The following CDH12 variants were observed in gnomAD, a reference collection of about 807,000 sequenced individuals.
The protein encoded by CDH12 is cadherin-12.
A neutral mutation model predicts 74.1 loss-of-function variants in CDH12; 41 were observed. The observed-to-expected ratio is 0.55, with a 90% confidence interval of 0.43 to 0.72. The LOEUF (loss-of-function observed/expected upper bound fraction) is 0.72. CDH12 is among the 30% of genes least tolerant of loss of function. The pLI, the probability that CDH12 is intolerant of heterozygous loss-of-function variation, is 0.00. For synonymous variants in CDH12, 399 were observed against 355.0 expected (o/e 1.12, Z -1.39); for missense variants, 945 against 977.2 (o/e 0.97, Z 0.44).
chr5:21,905,717 C>T (rs1753610319), intron 6 of CDH12, among the ~76,000 whole-genome samples: 1 of 148,526 alleles, frequency 6.7e-6, no homozygotes, highest in Non-Finnish European at 1.5e-5. Flanking sequence ...GAGTCAATTA[C>T]CATCTCGGCA....
At chr5:22,492,129 C>T (rs368466985) in intron 2 of CDH12, among the ~76,000 whole-genome samples, 44 of 152,114 alleles carry the variant, frequency 2.9e-4, no homozygotes, top group African/African-American at 2.4e-4. Flanking sequence ...GAAGCCATGG[C>T]CAAGACACAG....
In CDH12 at chr5:22,842,396, G is replaced by A. The variant is rs77332015; in HGVS notation, c.-523+10662C>T. ...CAGTAGGTTGTAGTGTCTGAGAGGA[G>A]GGATTTACGATCCAATACATGGCTG... is the stretch of plus-strand genomic sequence containing the variant. On this transcript the variant is annotated intron_variant, in intron 1 of 14. Coordinates refer to ENST00000382254, the MANE Select transcript of CDH12 (RefSeq NM_004061.5). Among the ~76,000 whole-genome samples the A allele has an allele frequency of 6.5e-3, 988 of 152,206 alleles. 12 individuals are homozygous for A. Among genetic ancestry groups the A allele is most frequent in the African/African-American group, 0.022 (923 of 41,542 alleles).
intron 4 of CDH12, among the ~76,000 whole-genome samples, chr5:22,106,898 T>C (rs1201215312): frequency 6.6e-6 from 1 of 152,152 alleles, no homozygotes; most frequent in African/African-American, 2.4e-5. Context: ...TTAATAGAAA[T>C]ATAACTTTGA....
intron 4 of CDH12, among the ~76,000 whole-genome samples, chr5:22,202,324 AG>A (rs1684811427): frequency 6.6e-6 from 1 of 152,240 alleles, no homozygotes; most frequent in Admixed American, 6.5e-5. Context: ...AACCATCAGC[AG>A]GTAAGACACA....
At chr5:22,719,393 T>A (rs1743760220) in intron 1 of CDH12, among the ~76,000 whole-genome samples, 1 of 152,190 alleles carries the variant, frequency 6.6e-6, no homozygotes, top group African/African-American at 2.4e-5. Context: ...GGTAGAACCC[T>A]TCAACATTCT....
At chr5:22,800,527 G>A (rs1255885836) in intron 1 of CDH12, among the ~76,000 whole-genome samples, 1 of 152,048 alleles carries the variant, frequency 6.6e-6, no homozygotes, top group Non-Finnish European at 1.5e-5. Context: ...TGGTACATTT[G>A]TTACAATTGA....
intron 1 of CDH12, among the ~76,000 whole-genome samples, chr5:22,523,978 A>AT (rs1420188932): frequency 3.1e-5 from 4 of 127,372 alleles, no homozygotes; most frequent in Non-Finnish European, 6.7e-5. Context: ...ATTTATTATT[A>AT]TTATTTTTTT....
intron 4 of CDH12, among the ~76,000 whole-genome samples, chr5:22,094,855 T>C (rs1043186463): frequency 4.7e-4 from 72 of 152,156 alleles, no homozygotes; most frequent in African/African-American, 1.6e-3. Flanking sequence ...ACTGAGCACC[T>C]TGTGACCCCC....
intron 1 of CDH12, among the ~76,000 whole-genome samples, chr5:22,510,423 T>A (rs1736553905): frequency 6.6e-6 from 1 of 152,064 alleles, no homozygotes; most frequent in South Asian, 2.1e-4. Flanking sequence ...ATGATACATA[T>A]AAATATGTAC....
In CDH12 at chr5:22,702,270, G is replaced by A. The variant is rs1742752198; in HGVS notation, c.-523+150788C>T. Among the ~76,000 whole-genome samples the A allele has an allele frequency of 2.6e-5, 4 of 152,060 alleles. No individual in the cohort carries two copies. The South Asian group carries it at 8.3e-4, about 31-fold the overall frequency. On this transcript the variant is annotated intron_variant, in intron 1 of 14. Coordinates refer to ENST00000382254, the MANE Select transcript of CDH12 (RefSeq NM_004061.5). ...CAGCTCCATTCCTTAGTTAGGAGGA[G>A]GCCTAGACCCACTAACAATGGTAAG...
At position 22,153,405 on chromosome 5, in the gene CDH12, G is replaced by A. The variant is rs186781834; in HGVS notation, c.-187+59093C>T. On this transcript the variant is annotated intron_variant, in intron 4 of 14. Coordinates refer to ENST00000382254, the MANE Select transcript of CDH12 (RefSeq NM_004061.5). The stretch of plus-strand genomic sequence containing the variant: ...CACTGATTTCCCATGTATTATCTAG[G>A]GTCTTAACCACATTGCTTGTTTTTC... 6.1e-3 allele frequency among the ~76,000 whole-genome samples: 920 copies of A among 151,476 alleles called. 7 individuals carry two copies. Among genetic ancestry groups the A allele is most frequent in the Non-Finnish European group, 0.01 (701 of 67,862 alleles).
intron 2 of CDH12, among the ~76,000 whole-genome samples, chr5:22,471,384 C>A (rs1265654429): frequency 6.6e-6 from 1 of 152,174 alleles, no homozygotes; most frequent in African/African-American, 2.4e-5. Context: ...CTCTGTCCTA[C>A]TCAAACACTC....
At chr5:22,636,120 A>G (rs1738829024) in intron 1 of CDH12, among the ~76,000 whole-genome samples, 1 of 152,134 alleles carries the variant, frequency 6.6e-6, no homozygotes, top group Non-Finnish European at 1.5e-5. Flanking sequence ...AGGTAACCCC[A>G]ATCAAAACCA....
chr5:22,321,720 T>C (rs1473803355), intron 3 of CDH12, among the ~76,000 whole-genome samples: 1 of 152,186 alleles, frequency 6.6e-6, no homozygotes, highest in African/African-American at 2.4e-5. Flanking sequence ...TTTTTTAGAC[T>C]ATAGATGGAA....
chr5:21,904,768 C>G (rs1235755281), intron 6 of CDH12, among the ~76,000 whole-genome samples: 1 of 143,756 alleles, frequency 7.0e-6, no homozygotes, highest in Non-Finnish European at 1.5e-5. Flanking sequence ...CAAAGCATGA[C>G]AGTGTCTCTA....
intron 1 of CDH12, among the ~76,000 whole-genome samples, chr5:22,505,688 C>A (rs115878352): frequency 4.9e-4 from 75 of 152,120 alleles, no homozygotes; most frequent in African/African-American, 1.7e-3. Context: ...ATTTTCTATT[C>A]CAGGATATCA....
Position 22,503,592 on chromosome 5 carries a change from CA to C in CDH12, c.-428+1677del, listed in dbSNP as rs564354054. On this transcript the variant is annotated intron_variant, in intron 2 of 14. Transcript: ENST00000382254. The stretch of plus-strand genomic sequence containing the variant: ...CATTCTCCTCAAATGCATTCTGCAT[CA>C]ATATGAATTCCACTCTAATTAAAAA... Among the ~76,000 whole-genome samples, 4 of 152,192 alleles carry C rather than the reference CA, an allele frequency of 2.6e-5. No homozygotes were observed. In the South Asian group the frequency reaches 8.3e-4, roughly 32 times the overall value.
chr5:22,673,357 G>T (rs566632273), intron 1 of CDH12, among the ~76,000 whole-genome samples: 26 of 152,176 alleles, frequency 1.7e-4, no homozygotes, highest in Admixed American at 1.5e-3. Flanking sequence ...TAAACTATTT[G>T]CACTTAATTA....
rs1216898044 is a variant in CDH12 at position 22,169,548 on chromosome 5, A to C, written c.-187+42950T>G. The stretch of plus-strand genomic sequence containing the variant: ...AGCCTCACAGTAAAGTCTCATTCTG[A>C]GAAAATCACACTTGAAAGATAAAAT... On this transcript the variant is annotated intron_variant, in intron 4 of 14. Coordinates refer to ENST00000382254, the MANE Select transcript of CDH12 (RefSeq NM_004061.5). Among the ~76,000 whole-genome samples the C allele has an allele frequency of 4.6e-5, 7 of 152,100 alleles. No individual in the cohort carries two copies. In the East Asian group the frequency reaches 1.4e-3, roughly 29 times the overall value.
Sources: allele counts gnomAD v4.1 joint callset (sites outside exome capture counted in the v4.1 genomes callset), GRCh38; gene constraint gnomAD v4.1.1; transcripts MANE v1.5; gene names NCBI Gene and HGNC (gene_info 2026-07-23, HGNC 2026-07-21).